KDM4C: variants seen among roughly 807,000 people sequenced by gnomAD.
The protein encoded by KDM4C is lysine demethylase 4C, also known as lysine-specific demethylase 4C.
In KDM4C, 81 loss-of-function variants were observed where a neutral mutation model predicts 129.3. That is an observed-to-expected ratio of 0.63 (90% CI 0.52 to 0.75). The LOEUF (loss-of-function observed/expected upper bound fraction) is 0.75, where lower values mean the gene tolerates loss of function less well. Ranked by LOEUF, KDM4C falls within the 30% of genes least tolerant of loss-of-function variation. The pLI, the probability that KDM4C is intolerant of heterozygous loss-of-function variation, is 0.00. For missense variants in KDM4C, 1,457 were observed against 1,304.0 expected, an observed-to-expected ratio of 1.12 and a Z score of -1.81; for synonymous variants, 573 against 456.1, an observed-to-expected ratio of 1.26 and a Z score of -3.26.
intron 20 of KDM4C, among the ~76,000 whole-genome samples, chr9:7,169,040 G>A (rs1844685253): frequency 1.6e-5 from 2 of 123,638 alleles, no homozygotes; most frequent in African/African-American, 6.2e-5. Context: ...GCAAGGCCCT[G>A]TCTCAATTTA....
intron 1 of KDM4C, among the ~76,000 whole-genome samples, chr9:6,748,173 AAACAAAC>A (rs145621989): frequency 0.075 from 11,025 of 147,034 alleles, 582 homozygotes; most frequent in Non-Finnish European, 0.11. Flanking sequence ...CTCAAAAAAA[AAACAAAC>A]AAACAAACAA....
In KDM4C at chr9:6,989,921, T is replaced by C. The variant is rs144771916; in HGVS notation, c.1678-495T>C. Among the ~76,000 whole-genome samples, 165 of 146,114 alleles carry C rather than the reference T, an allele frequency of 1.1e-3. 3 individuals carry two copies. Among genetic ancestry groups the C allele is most frequent in the Middle Eastern group, 0.01 (3 of 286 alleles). Reference sequence around the variant, plus strand: ...TCCTGAGGACCTGGGACCACAGGCATATGCCTCTATACCTGGCTATTTTTT... The same window carrying C: ...TCCTGAGGACCTGGGACCACAGGCACATGCCTCTATACCTGGCTATTTTTT... On this transcript the variant is annotated intron_variant, in intron 11 of 21. Transcript: ENST00000381309.
chr9:6,865,158 GC>G (rs1841715577), intron 5 of KDM4C, among the ~76,000 whole-genome samples: 1 of 151,736 alleles, frequency 6.6e-6, no homozygotes, highest in African/African-American at 2.4e-5. Flanking sequence ...GCAGGTGCCC[GC>G]CACCACACCT....
At chr9:6,807,465 C>G (rs1042874636) in intron 3 of KDM4C, among the ~76,000 whole-genome samples, 3 of 146,232 alleles carry the variant, frequency 2.1e-5, no homozygotes, top group African/African-American at 7.6e-5. Context: ...GCCATCACAT[C>G]TAGGAAGTGA....
In KDM4C at chr9:6,867,177, A is replaced by G. The variant is rs1278679460; in HGVS notation, c.630-12835A>G. On this transcript the variant is annotated intron_variant, in intron 5 of 21. Transcript: ENST00000381309. ...ATTACAGGCACACACCTACACACCC[A>G]GCTAATTTTTTGTATTTTAGTAGAG... Among the ~76,000 whole-genome samples the G allele has an allele frequency of 2.6e-5, 4 of 151,742 alleles. No individual in the cohort carries two copies. In the East Asian group the frequency reaches 7.7e-4, roughly 29 times the overall value.
chr9:6,773,239 C>T (rs1050897501), intron 1 of KDM4C, among the ~76,000 whole-genome samples: 12 of 151,874 alleles, frequency 7.9e-5, no homozygotes, highest in African/African-American at 2.4e-4. Flanking sequence ...TGAGCTTAAG[C>T]GATCCTCCTG....
At chr9:7,122,165 C>T (rs544511356) in intron 18 of KDM4C, among the ~76,000 whole-genome samples, 4 of 151,938 alleles carry the variant, frequency 2.6e-5, no homozygotes, top group African/African-American at 9.7e-5. Flanking sequence ...AACCTACAAT[C>T]ATGGCAGAAG....
At chr9:7,156,842 T>C (rs1405985993) in intron 19 of KDM4C, among the ~76,000 whole-genome samples, 2 of 152,230 alleles carry the variant, frequency 1.3e-5, no homozygotes, top group Non-Finnish European at 2.9e-5. Flanking sequence ...GTGGGTTCTT[T>C]TTTGGTTCCA....
At chr9:7,113,078 A>T (rs1024279824) in intron 18 of KDM4C, among the ~76,000 whole-genome samples, 1 of 152,100 alleles carries the variant, frequency 6.6e-6, no homozygotes, top group Non-Finnish European at 1.5e-5. Context: ...TTGCAGTGTT[A>T]TTATTGACAA....
rs144324687 is a variant in KDM4C at position 6,758,423 on chromosome 9, C to A, written c.-18+220C>A. On this transcript the variant is annotated intron_variant, in intron 1 of 21. Coordinates refer to ENST00000381309, the MANE Select transcript of KDM4C (RefSeq NM_015061.6). This position sits in a 1 kb window ranked among gnomAD's most constrained non-coding sequence, Gnocchi z 4.6. ...GAGGGATGCGGGGGCCGGTGACAGC[C>A]CGCTCCGGCCCTTACCGAGGTTCGG... Among the ~76,000 whole-genome samples, 49 of 152,318 alleles carry A rather than the reference C, an allele frequency of 3.2e-4. 1 individual carries two copies. In the South Asian group the frequency reaches 7.5e-3, roughly 23 times the overall value.
chr9:6,873,394 C>T lies in KDM4C; in HGVS notation c.630-6618C>T, dbSNP rs537421732. 7.9e-4 allele frequency among the ~76,000 whole-genome samples: 121 copies of T among 152,294 alleles called. 1 individual carries two copies. Among genetic ancestry groups the T allele is most frequent in the African/African-American group, 2.8e-3 (117 of 41,558 alleles). On this transcript the variant is annotated intron_variant, in intron 5 of 21. Coordinates refer to ENST00000381309, the MANE Select transcript of KDM4C (RefSeq NM_015061.6). ...AGTAGGTATAAGGAGGTTTCCTCCA[C>T]ATTGAAAATCTGTTGTTTAATGTAG...
intron 19 of KDM4C, among the ~76,000 whole-genome samples, chr9:7,146,265 G>C (rs1405877319): frequency 6.6e-6 from 1 of 152,158 alleles, no homozygotes; most frequent in East Asian, 1.9e-4. Context: ...GTAATCATAG[G>C]TGATTATGAT....
At chr9:6,882,797 TG>T (rs1844662538) in intron 6 of KDM4C, among the ~76,000 whole-genome samples, 1 of 151,534 alleles carries the variant, frequency 6.6e-6, no homozygotes, top group Non-Finnish European at 1.5e-5. Flanking sequence ...TGTGTGTGTG[TG>T]TGTGTGTGCG....
At chr9:6,972,432 A>T (rs1435684920) in intron 8 of KDM4C, among the ~76,000 whole-genome samples, 5 of 152,002 alleles carry the variant, frequency 3.3e-5, no homozygotes, top group African/African-American at 9.6e-5. Context: ...GTATTAGAAA[A>T]TTTTTTTCTA....
chr9:7,008,496 T>C (rs1263562019), intron 12 of KDM4C, among the ~76,000 whole-genome samples: 3 of 152,094 alleles, frequency 2.0e-5, no homozygotes, highest in African/African-American at 7.2e-5. Flanking sequence ...GGTCCCCTGG[T>C]CTAGGATGTA....
intron 5 of KDM4C, among the ~76,000 whole-genome samples, chr9:6,851,382 T>C (rs535971470): frequency 4.6e-4 from 70 of 152,332 alleles, no homozygotes; most frequent in African/African-American, 1.6e-3. Flanking sequence ...TGTCATCTTT[T>C]AGTTTTTTCA....
chr9:6,763,817 T>A (rs1820070732), intron 1 of KDM4C, among the ~76,000 whole-genome samples: 1 of 152,188 alleles, frequency 6.6e-6, no homozygotes, highest in African/African-American at 2.4e-5. Flanking sequence ...GAGTGCAATG[T>A]AGCGATCTTG....
chr9:6,753,020 C>T (rs991291451), upstream of KDM4C, among the ~76,000 whole-genome samples: 1 of 152,140 alleles, frequency 6.6e-6, no homozygotes, highest in African/African-American at 2.4e-5. Flanking sequence ...ACTGAGGAGT[C>T]AGAAATAGCA....
chr9:6,831,638 G>A (rs576718242), intron 4 of KDM4C, among the ~76,000 whole-genome samples: 20 of 152,054 alleles, frequency 1.3e-4, no homozygotes, highest in South Asian at 6.2e-4. Flanking sequence ...CAGCGCACCC[G>A]GCCTATGATG....
Sources: allele counts gnomAD v4.1 joint callset (sites outside exome capture counted in the v4.1 genomes callset), GRCh38; gene constraint gnomAD v4.1.1; non-coding constraint Gnocchi (gnomAD v3.1); transcripts MANE v1.5; gene names NCBI Gene and HGNC (gene_info 2026-07-23, HGNC 2026-07-21).